Variants in PRKCI observed in about 807,000 individuals in gnomAD.
The protein encoded by PRKCI is protein kinase C iota.
Under a neutral mutation model 84.0 loss-of-function variants are expected in PRKCI, and 43 were observed. That is an observed-to-expected ratio of 0.51 (90% CI 0.40 to 0.66). The LOEUF (loss-of-function observed/expected upper bound fraction) is 0.66, where lower values mean the gene tolerates loss of function less well. PRKCI is among the 30% of genes least tolerant of loss of function. The pLI, the probability that PRKCI is intolerant of heterozygous loss-of-function variation, is 0.00. For synonymous variants in PRKCI, 216 were observed against 234.4 expected (o/e 0.92, Z 0.72); for missense variants, 459 against 745.6 (o/e 0.62, Z 4.48).
chr3:170,270,006 A>T (rs990058747), intron 5 of PRKCI, among the ~76,000 whole-genome samples: 3 of 151,892 alleles, frequency 2.0e-5, no homozygotes, highest in Non-Finnish European at 4.4e-5. Flanking sequence ...TTGAAATGAG[A>T]AGTCACTTTA....
At chr3:170,268,696 T>A (rs1233916310) in intron 5 of PRKCI, among the ~76,000 whole-genome samples, 1 of 152,198 alleles carries the variant, frequency 6.6e-6, no homozygotes, top group Non-Finnish European at 1.5e-5. Flanking sequence ...TGGGTTGTAC[T>A]ACGTACCAGG....
chr3:170,267,860 G>T, intron 4 of PRKCI, 55 bp from the exon 5 acceptor site: 2 of 1,315,666 alleles, frequency 1.5e-6, no homozygotes, highest in Non-Finnish European at 2.1e-6. Context: ...ATTATAAAAT[G>T]ATTTTTACTC....
At chr3:170,254,107 A>G (rs1301836544) in intron 2 of PRKCI, among the ~76,000 whole-genome samples, 1 of 152,010 alleles carries the variant, frequency 6.6e-6, no homozygotes, top group Non-Finnish European at 1.5e-5. Context: ...AAAAAAAAAA[A>G]AGGAAAAATG....
intron 13 of PRKCI, among the ~76,000 whole-genome samples, chr3:170,293,019 C>T (rs959650978): frequency 9.8e-5 from 14 of 143,002 alleles, no homozygotes; most frequent in Non-Finnish European, 2.0e-4. Context: ...CCAGCCTGGG[C>T]GACAGAGTGA....
intron 2 of PRKCI, among the ~76,000 whole-genome samples, chr3:170,240,561 G>C (rs1560168364): frequency 6.6e-6 from 1 of 152,120 alleles, no homozygotes; most frequent in Non-Finnish European, 1.5e-5. Context: ...TAGGCATACA[G>C]AGCCAACAGT....
At chr3:170,280,933 TATC>T (rs1267704408) in intron 9 of PRKCI, among the ~76,000 whole-genome samples, 1 of 152,244 alleles carries the variant, frequency 6.6e-6, no homozygotes, top group Non-Finnish European at 1.5e-5. Context: ...ACCACATTAT[TATC>T]AGGAGAAATA....
chr3:170,222,527 G>C lies in PRKCI; in HGVS notation c.-143G>C. 1 of 686,814 alleles carries C rather than the reference G, an allele frequency of 1.5e-6. No individual in the cohort carries two copies. The allele number at this position is 686,814 out of a possible 1,614,324, so 42.5% of individuals were successfully genotyped here. A position where few individuals can be genotyped will look rare whatever the true frequency, so the allele number is the denominator to read the frequency against. On this transcript the variant is annotated 5_prime_UTR_variant, in exon 1 of 18. Transcript: ENST00000295797. ...GGCTGCTCCGGCGAGGCGACCCTTG[G>C]GTCGGCGCTGCGGGCGAGGTGGGCA...
rs1577381550 is a variant in PRKCI at position 170,304,598 on chromosome 3, C to T, written c.*1471C>T. 1 of 152,052 alleles carries T rather than the reference C, an allele frequency of 6.6e-6. No homozygotes were observed. Among genetic ancestry groups the T allele is most frequent in the East Asian group, 1.9e-4 (1 of 5,198 alleles). 9.4% of individuals were successfully genotyped at this position (152,052 alleles called of 1,614,324 possible). ...ACACACATCACAGTATCAGCTCTTT[C>T]AGTGAGTTTTTATTAACTAGATAAC... On this transcript the variant is annotated 3_prime_UTR_variant, in exon 18 of 18. Coordinates refer to ENST00000295797, the MANE Select transcript of PRKCI (RefSeq NM_002740.6).
In PRKCI at chr3:170,262,013, C is replaced by T. The variant is rs115787921; in HGVS notation, c.314-1366C>T. 1.1e-3 allele frequency among the ~76,000 whole-genome samples: 164 copies of T among 152,264 alleles called. 1 individual carries two copies. The highest frequency in any genetic ancestry group is 6.8e-3 in the Middle Eastern group (2 of 294). On this transcript the variant is annotated intron_variant, in intron 3 of 17. Coordinates refer to ENST00000295797, the MANE Select transcript of PRKCI (RefSeq NM_002740.6). ...ACAGATGTTTTCAGAAGCTAGCTTA[C>T]GTTTCAGCTTTTAAAAATATGCATT...
intron 4 of PRKCI, among the ~76,000 whole-genome samples, chr3:170,267,676 A>G (rs1193351371): frequency 8.5e-6 from 1 of 116,990 alleles, no homozygotes; most frequent in East Asian, 2.5e-4. Context: ...CCATCTCACC[A>G]AAAAAAAAAA....
chr3:170,236,035 C>G (rs911462260), intron 2 of PRKCI, among the ~76,000 whole-genome samples: 24 of 151,730 alleles, frequency 1.6e-4, no homozygotes, highest in African/African-American at 5.1e-4. Flanking sequence ...ATCTTCCCAT[C>G]ATGACCTCCC....
intron 1 of PRKCI, among the ~76,000 whole-genome samples, chr3:170,234,643 A>T (rs1260772013): frequency 6.6e-6 from 1 of 152,180 alleles, no homozygotes; most frequent in African/African-American, 2.4e-5. Flanking sequence ...ATGCCCTCAT[A>T]CTAGTAACCT....
At chr3:170,301,415 C>T (rs374018248) in intron 17 of PRKCI, among the ~76,000 whole-genome samples, 115 of 152,304 alleles carry the variant, frequency 7.6e-4, no homozygotes, top group African/African-American at 2.6e-3. Context: ...CTGTTTAACA[C>T]GGCCCCCAGT....
intron 2 of PRKCI, among the ~76,000 whole-genome samples, chr3:170,242,704 T>C (rs964833261): frequency 6.6e-6 from 1 of 152,048 alleles, no homozygotes; most frequent in Non-Finnish European, 1.5e-5. Context: ...GGATCCTTGC[T>C]CTGTCGCCCA....
Position 170,222,547 on chromosome 3 carries a change from T to G in PRKCI, c.-123T>G. The G allele has an allele frequency of 1.2e-6, 1 of 800,758 alleles. No individual in the cohort carries two copies. 49.6% of individuals were successfully genotyped at this position (800,758 alleles called of 1,614,324 possible). ...CCTTGGGTCGGCGCTGCGGGCGAGG[T>G]GGGCAGGTAGGTGGGCGGACGGCCG... is the stretch of plus-strand genomic sequence containing the variant. On this transcript the variant is annotated 5_prime_UTR_variant, in exon 1 of 18. Coordinates refer to ENST00000295797, the MANE Select transcript of PRKCI (RefSeq NM_002740.6).
chr3:170,271,991 G>A (rs1275201694), intron 6 of PRKCI, among the ~76,000 whole-genome samples: 2 of 152,080 alleles, frequency 1.3e-5, no homozygotes, highest in South Asian at 2.1e-4. Flanking sequence ...GTGCCACCAT[G>A]CCCAGCTAAT....
At chr3:170,294,264 T>C (rs1734641754) in intron 14 of PRKCI, among the ~76,000 whole-genome samples, 1 of 152,088 alleles carries the variant, frequency 6.6e-6, no homozygotes, top group African/African-American at 2.4e-5. Context: ...TCAGGGAATA[T>C]ACAGAATTGA....
intron 2 of PRKCI, among the ~76,000 whole-genome samples, chr3:170,241,552 T>C (rs1733132764): frequency 6.6e-6 from 1 of 152,182 alleles, no homozygotes; most frequent in African/African-American, 2.4e-5. Context: ...TATGCCATAT[T>C]TATTTCATCT....
rs570181892 is a variant in PRKCI, at chr3:170,303,225, A to G, written c.*98A>G. 1.1e-5 allele frequency: 9 copies of G among 825,746 alleles called. No homozygotes were observed. In the South Asian group the frequency reaches 1.9e-4, roughly 18 times the overall value. 51.2% of individuals were successfully genotyped at this position (825,746 alleles called of 1,614,324 possible). On this transcript the variant is annotated 3_prime_UTR_variant, in exon 18 of 18. Coordinates refer to ENST00000295797, the MANE Select transcript of PRKCI (RefSeq NM_002740.6). Reference sequence around the variant, plus strand: ...TACAATTAACCATTTTATATTTGCCACCTACAAAAAAACACCCAATATCTT... The same window carrying G: ...TACAATTAACCATTTTATATTTGCCGCCTACAAAAAAACACCCAATATCTT...
Sources: gnomAD v4.1 joint callset for allele counts (sites outside exome capture counted in the v4.1 genomes callset) on GRCh38, gnomAD v4.1.1 for gene constraint, MANE v1.5 for transcripts, NCBI Gene and HGNC (gene_info 2026-07-23, HGNC 2026-07-21) for gene names.